PTPRD: variants seen among roughly 807,000 people sequenced by gnomAD.
The protein encoded by PTPRD is receptor-type tyrosine-protein phosphatase delta.
In PTPRD, 34 loss-of-function variants were observed where a neutral mutation model predicts 214.5. The observed-to-expected ratio is 0.16, with a 90% confidence interval of 0.12 to 0.21. PTPRD has a LOEUF of 0.21. Among genes scored for constraint, PTPRD ranks in the 10% least tolerant of loss-of-function variants. PTPRD has a pLI of 1.00. For missense variants in PTPRD, 2,545 were observed against 2,398.7 expected (o/e 1.06, Z -1.27); for synonymous variants, 1,128 against 845.7 (o/e 1.33, Z -5.79).
At chr9:9,672,057 G>C (rs750006670) in intron 7 of PTPRD, among the ~76,000 whole-genome samples, 2 of 152,186 alleles carry the variant, frequency 1.3e-5, no homozygotes, top group Non-Finnish European at 2.9e-5. Flanking sequence ...TATAGTCACT[G>C]TATCTGCTGT....
chr9:10,396,378 T>TA (rs2098170756), intron 2 of PTPRD, among the ~76,000 whole-genome samples: 1 of 151,968 alleles, frequency 6.6e-6, no homozygotes, highest in Admixed American at 6.6e-5. Flanking sequence ...ATAGACCATG[T>TA]AATTCTTCAG....
chr9:9,839,344 T>C (rs2153630915), intron 5 of PTPRD, among the ~76,000 whole-genome samples: 1 of 152,186 alleles, frequency 6.6e-6, no homozygotes, highest in South Asian at 2.1e-4. Flanking sequence ...GATAAGCAAA[T>C]TCAGCAAAGT....
chr9:10,236,882 T>TA (rs1269683072), intron 3 of PTPRD, among the ~76,000 whole-genome samples: 1 of 151,950 alleles, frequency 6.6e-6, no homozygotes, highest in African/African-American at 2.4e-5. Context: ...CATTAACCTG[T>TA]AAAAAATACT....
chr9:8,897,661 A>T (rs1206039003), intron 11 of PTPRD, among the ~76,000 whole-genome samples: 1 of 152,214 alleles, frequency 6.6e-6, no homozygotes, highest in Non-Finnish European at 1.5e-5. Flanking sequence ...CAATGCTTTC[A>T]GGGTACCCTG....
At chr9:9,630,561 A>G (rs1338215349) in intron 7 of PTPRD, among the ~76,000 whole-genome samples, 2 of 152,228 alleles carry the variant, frequency 1.3e-5, no homozygotes, top group Non-Finnish European at 1.5e-5. Context: ...AGAAATGTTT[A>G]TTAACCAAAA....
At chr9:8,884,462 G>A (rs994897046) in intron 11 of PTPRD, among the ~76,000 whole-genome samples, 1 of 152,190 alleles carries the variant, frequency 6.6e-6, no homozygotes, top group Non-Finnish European at 1.5e-5. Flanking sequence ...AATAATTCAA[G>A]AGAATGTTCT....
At chr9:10,000,784 C>A (rs967424103) in intron 4 of PTPRD, among the ~76,000 whole-genome samples, 4 of 152,186 alleles carry the variant, frequency 2.6e-5, no homozygotes, top group Non-Finnish European at 5.9e-5. Flanking sequence ...CTTGGTGATT[C>A]TCACCCTTTT....
chr9:8,718,541 C>G (rs1028561222), intron 12 of PTPRD, among the ~76,000 whole-genome samples: 3 of 152,022 alleles, frequency 2.0e-5, no homozygotes, highest in African/African-American at 7.2e-5. Context: ...TGCTGTGGGG[C>G]TCTCACTCTT....
intron 5 of PTPRD, among the ~76,000 whole-genome samples, chr9:9,842,340 G>T (rs111918818): frequency 3.7e-5 from 4 of 108,994 alleles, no homozygotes; most frequent in African/African-American, 7.1e-5. Flanking sequence ...ACACCAAGAA[G>T]GAAAACTCTA....
At chr9:8,951,972 C>G (rs1175342361) in intron 11 of PTPRD, among the ~76,000 whole-genome samples, 4 of 151,898 alleles carry the variant, frequency 2.6e-5, no homozygotes, top group Non-Finnish European at 5.9e-5. Context: ...GGTCTCTGCT[C>G]AATTGATTTC....
At chr9:9,095,904 G>C (rs1274566327) in intron 10 of PTPRD, among the ~76,000 whole-genome samples, 2 of 152,084 alleles carry the variant, frequency 1.3e-5, no homozygotes, top group East Asian at 3.9e-4. Context: ...ATATACAATG[G>C]AATATTATTC....
intron 3 of PTPRD, among the ~76,000 whole-genome samples, chr9:10,092,989 T>G (rs1354364239): frequency 6.6e-6 from 1 of 151,462 alleles, no homozygotes; most frequent in Non-Finnish European, 1.5e-5. Context: ...AACTTCAAAC[T>G]GTAAAAATTC....
chr9:8,692,917 A>G (rs930247124), intron 12 of PTPRD, among the ~76,000 whole-genome samples: 2 of 152,208 alleles, frequency 1.3e-5, no homozygotes, highest in African/African-American at 4.8e-5. Flanking sequence ...AACTAAATTC[A>G]CTACTCAGTT....
At chr9:8,768,937 G>A (rs1379148791) in intron 11 of PTPRD, among the ~76,000 whole-genome samples, 1 of 152,168 alleles carries the variant, frequency 6.6e-6, no homozygotes, top group Non-Finnish European at 1.5e-5. Context: ...TTCTTACCAT[G>A]TTATAGCACT....
intron 8 of PTPRD, among the ~76,000 whole-genome samples, chr9:9,560,269 C>A (rs1019913100): frequency 3.9e-5 from 6 of 152,196 alleles, no homozygotes; most frequent in Admixed American, 2.6e-4. Flanking sequence ...TCTGGGACCA[C>A]CCCTGGACCT....
intron 2 of PTPRD, among the ~76,000 whole-genome samples, chr9:10,375,446 G>A (rs1167592655): frequency 6.6e-6 from 1 of 151,938 alleles, no homozygotes; most frequent in Non-Finnish European, 1.5e-5. Flanking sequence ...CTACCTAATT[G>A]TCATTTCAGC....
chr9:9,099,787 C>A (rs2099788827), intron 10 of PTPRD, among the ~76,000 whole-genome samples: 1 of 152,172 alleles, frequency 6.6e-6, no homozygotes, highest in Admixed American at 6.5e-5. Context: ...CCAATTATCA[C>A]CTCATTGAAA....
chr9:8,620,578 G>A (rs1174105581), intron 14 of PTPRD, among the ~76,000 whole-genome samples: 1 of 152,084 alleles, frequency 6.6e-6, no homozygotes, highest in South Asian at 2.1e-4. Context: ...TCAGAATGGA[G>A]AAATTTTAAC....
chr9:8,738,262 T>C (rs2154442117), intron 11 of PTPRD, among the ~76,000 whole-genome samples: 1 of 152,302 alleles, frequency 6.6e-6, no homozygotes, highest in Non-Finnish European at 1.5e-5. Flanking sequence ...TCACATAAAG[T>C]GACACCTATC....
Sources: allele counts gnomAD v4.1 joint callset (sites outside exome capture counted in the v4.1 genomes callset), GRCh38; gene constraint gnomAD v4.1.1; transcripts MANE v1.5; gene names NCBI Gene and HGNC (gene_info 2026-07-23, HGNC 2026-07-21).